Variants in PCDH15 observed in about 807,000 individuals in gnomAD.
The protein encoded by PCDH15 is protocadherin related 15.
In PCDH15, 129 loss-of-function variants were observed where a neutral mutation model predicts 178.5. The observed-to-expected ratio is 0.72, with a 90% CI of 0.63 to 0.84. PCDH15 has a LOEUF of 0.84. Among genes scored for constraint, PCDH15 ranks in the 40% least tolerant of loss-of-function variants. The pLI is 0.00. For synonymous variants in PCDH15, 800 were observed against 732.0 expected (o/e 1.09, Z -1.50); for missense variants, 2,230 against 2,099.9 (o/e 1.06, Z -1.21).
At chr10:54,738,383 A>T (rs1374867705) in intron 1 of PCDH15, among the ~76,000 whole-genome samples, 1 of 152,148 alleles carries the variant, frequency 6.6e-6, no homozygotes, top group Non-Finnish European at 1.5e-5. Flanking sequence ...AATGTGGCTA[A>T]AATGTGTTTT....
At chr10:54,165,437 C>G (rs987129661) in intron 13 of PCDH15, among the ~76,000 whole-genome samples, 3 of 152,104 alleles carry the variant, frequency 2.0e-5, no homozygotes, top group African/African-American at 4.8e-5. Context: ...AATAAAACAA[C>G]AAGAAGATGA....
At chr10:55,377,579 TA>T (rs1294196764) in intron 2 of PCDH15, among the ~76,000 whole-genome samples, 1 of 152,080 alleles carries the variant, frequency 6.6e-6, no homozygotes, top group African/African-American at 2.4e-5. Context: ...CAAGTTCTCA[TA>T]AAAATAATTC....
At chr10:53,813,404 C>A (rs527871942) in intron 35 of PCDH15, among the ~76,000 whole-genome samples, 32 of 152,248 alleles carry the variant, frequency 2.1e-4, no homozygotes, top group Admixed American at 9.2e-4. Context: ...GATGTTAAAA[C>A]TAGTATAGTT....
chr10:54,270,414 G>A (rs2057975092), intron 8 of PCDH15, among the ~76,000 whole-genome samples: 1 of 151,936 alleles, frequency 6.6e-6, no homozygotes, highest in Non-Finnish European at 1.5e-5. Flanking sequence ...CATCATTCTT[G>A]GTGTTTTAAA....
At chr10:54,169,128 C>T (rs1225014569) in intron 13 of PCDH15, among the ~76,000 whole-genome samples, 2 of 151,390 alleles carry the variant, frequency 1.3e-5, no homozygotes, top group Non-Finnish European at 2.9e-5. Context: ...GAAAATCGGA[C>T]TGTTCAACTC....
chr10:55,210,489 T>C (rs1840530437), intron 1 of PCDH15, among the ~76,000 whole-genome samples: 1 of 151,552 alleles, frequency 6.6e-6, no homozygotes, highest in Non-Finnish European at 1.5e-5. Context: ...AGACATCTGG[T>C]AGAAACGACC....
chr10:54,679,992 T>C (rs1271475616), intron 1 of PCDH15, among the ~76,000 whole-genome samples: 2 of 152,220 alleles, frequency 1.3e-5, no homozygotes, highest in Non-Finnish European at 2.9e-5. Context: ...TATTAACATA[T>C]GTGTATTAGA....
At chr10:54,272,939 T>C (rs2058132265) in intron 8 of PCDH15, among the ~76,000 whole-genome samples, 1 of 152,188 alleles carries the variant, frequency 6.6e-6, no homozygotes, top group Admixed American at 6.6e-5. Context: ...ACCTAAGGGA[T>C]GATATCTTTC....
chr10:54,888,201 T>C (rs1207853481), intron 3 of PCDH15, among the ~76,000 whole-genome samples: 2 of 152,150 alleles, frequency 1.3e-5, no homozygotes, highest in Non-Finnish European at 2.9e-5. Context: ...TGCTCTTCTC[T>C]GCTTTTGCCA....
Position 55,432,082 on chromosome 10 carries a change from A to AACACACACACACACACACACAC in PCDH15, c.-156+195521_-156+195542dup, listed in dbSNP as rs58866288. On this transcript the variant is annotated intron_variant, in intron 2 of 5. Transcript: ENST00000613346. ...TTGGGATAGGCAGAGCTATCATTTA[A>AACACACACACACACACACACAC]ACACACACACACACACACACACACA... Among the ~76,000 whole-genome samples, 174 of 148,496 alleles carry AACACACACACACACACACACAC rather than the reference A, an allele frequency of 1.2e-3. 1 individual carries two copies. The highest frequency in any genetic ancestry group is 4.5e-3 in the South Asian group (21 of 4,640).
At chr10:54,349,194 A>G (rs1943792344) in intron 5 of PCDH15, among the ~76,000 whole-genome samples, 1 of 152,176 alleles carries the variant, frequency 6.6e-6, no homozygotes, top group Middle Eastern at 3.2e-3. Context: ...ATGCCTTTCA[A>G]TCTGCTTACT....
At chr10:54,204,766 G>A (rs1295453780) in intron 10 of PCDH15, among the ~76,000 whole-genome samples, 4 of 152,058 alleles carry the variant, frequency 2.6e-5, no homozygotes, top group East Asian at 1.9e-4. Context: ...GAAGATACGT[G>A]AAAATTAAAG....
chr10:54,873,773 TTG>T (rs1211344174), intron 3 of PCDH15, among the ~76,000 whole-genome samples: 4 of 145,334 alleles, frequency 2.8e-5, no homozygotes, highest in African/African-American at 5.0e-5. Flanking sequence ...TGTGTGTGTG[TTG>T]TGTGTGTGTG....
chr10:53,938,871 C>A lies in PCDH15; in HGVS notation c.3317G>T (p.Arg1106Leu), dbSNP rs746935130. The change falls in exon 25 of 38, where the codon CGA (arginine) becomes CTA (leucine). Residue 1106 changes from arginine to leucine, a missense_variant. Transcript: ENST00000644397. ...DYETRTSYVL[R>L]VQADSLEVVL... ...CACTTCCAGGGAATCAGCTTGGACT[C>A]GAAGTACATAGCTTGTCCTGGTCTC... The A allele has an allele frequency of 6.2e-7, 1 of 1,613,564 alleles. No individual in the cohort carries two copies. The highest frequency in any genetic ancestry group is 8.5e-7 in the Non-Finnish European group (1 of 1,179,618).
chr10:54,219,891 A>G (rs923744697), intron 9 of PCDH15, among the ~76,000 whole-genome samples: 1 of 152,056 alleles, frequency 6.6e-6, no homozygotes, highest in Admixed American at 6.6e-5. Flanking sequence ...TTAAAATTAT[A>G]TATTTTTTCA....
chr10:53,942,293 C>A, intron 23 of PCDH15, among the ~76,000 whole-genome samples: 1 of 18,616 alleles, frequency 5.4e-5, no homozygotes, highest in South Asian at 2.5e-3. Flanking sequence ...CCTGCATTTT[C>A]TTTTTGCTTT....
intron 2 of PCDH15, among the ~76,000 whole-genome samples, chr10:54,989,811 T>C (rs765533752): frequency 6.6e-6 from 1 of 152,164 alleles, no homozygotes; most frequent in Admixed American, 6.5e-5. Flanking sequence ...GGAGGAATGA[T>C]ATGGTTTGGC....
chr10:54,961,415 G>T (rs1036600303), intron 2 of PCDH15, among the ~76,000 whole-genome samples: 16 of 152,204 alleles, frequency 1.1e-4, no homozygotes, highest in African/African-American at 3.9e-4. Context: ...CGAGAGGCAG[G>T]TTTTTAGGTG....
intron 2 of PCDH15, among the ~76,000 whole-genome samples, chr10:55,626,927 A>T (rs2132178177): frequency 6.6e-6 from 1 of 152,266 alleles, no homozygotes; most frequent in Non-Finnish European, 1.5e-5. Flanking sequence ...TATATTTATT[A>T]ATGAGCAGCA....
Sources: allele counts gnomAD v4.1 joint callset (sites outside exome capture counted in the v4.1 genomes callset), GRCh38; gene constraint gnomAD v4.1.1; transcripts MANE v1.5; gene names NCBI Gene and HGNC (gene_info 2026-07-23, HGNC 2026-07-21).